MYO6: variants seen among roughly 807,000 people sequenced by gnomAD.
The protein encoded by MYO6 is unconventional myosin-VI.
Under a neutral mutation model 178.7 loss-of-function variants are expected in MYO6, and 74 were observed. The ratio of observed to expected loss-of-function variants is 0.41; its 90% CI spans 0.34 to 0.50. The LOEUF is 0.50. Among genes scored for constraint, MYO6 ranks in the 20% least tolerant of loss-of-function variants. The probability of loss-of-function intolerance (pLI) is 0.09; values close to 1 mark genes in which losing one functional copy is unlikely to be tolerated. For missense variants in MYO6, 1,330 were observed against 1,547.4 expected (o/e 0.86, Z 2.36); for synonymous variants, 477 against 504.6 (o/e 0.95, Z 0.73).
chr6:75,855,803 A>G (rs1255128755), intron 12 of MYO6, among the ~76,000 whole-genome samples: 1 of 152,116 alleles, frequency 6.6e-6, no homozygotes, highest in African/African-American at 2.4e-5. Context: ...TCCATGTCCT[A>G]TATTTTATAT....
rs35830759 is a variant in MYO6 at position 75,776,653 on chromosome 6, AGTGTGTGT to A, written c.-48+27253_-48+27260del. Among the ~76,000 whole-genome samples the A allele has an allele frequency of 5.5e-5, 8 of 144,760 alleles. No individual in the cohort carries two copies. In the South Asian group the frequency reaches 8.9e-4, roughly 16 times the overall value. The allele number at this position is 144,760 out of a possible 152,430, so 95.0% of individuals were successfully genotyped here. On this transcript the variant is annotated intron_variant, in intron 1 of 34. Coordinates refer to ENST00000369977, the MANE Select transcript of MYO6 (RefSeq NM_004999.4). ...CATTTTTAGTCTTGTAGAAACGTGC[AGTGTGTGT>A]GTGTGTGTGTGTGTGTGTGTGTATG... is the stretch of plus-strand genomic sequence containing the variant.
In MYO6 at chr6:75,914,153, G is replaced by T; in HGVS notation, c.3530G>T (p.Arg1177Leu). ...CGCTTCTTCCGCATCCCATTCATCC[G>T]CCCTGCCGACCAGTACAAAGACCCT... Reference protein sequence around the residue: ...QQRFFRIPFIRPADQYKDPQS... With the variant: ...QQRFFRIPFILPADQYKDPQS... The change falls in exon 34 of 35, where the codon CGC becomes CTC. Residue 1177 changes from arginine (R) to leucine (L), a missense_variant. Coordinates refer to ENST00000369977, the MANE Select transcript of MYO6 (RefSeq NM_004999.4). 5.6e-6 allele frequency: 9 copies of T among 1,614,064 alleles called. No homozygotes were observed. Among genetic ancestry groups the T allele is most frequent in the Admixed American group, 1.7e-5 (1 of 60,014 alleles).
chr6:75,835,866 T>G, intron 6 of MYO6, 35 bp from the exon 7 acceptor site: 1 of 1,228,322 alleles, frequency 8.1e-7, no homozygotes. Context: ...ACCATATTAT[T>G]GTCATCAACA....
intron 1 of MYO6, among the ~76,000 whole-genome samples, chr6:75,803,190 G>A (rs962105933): frequency 1.3e-5 from 2 of 152,010 alleles, no homozygotes; most frequent in Non-Finnish European, 2.9e-5. Context: ...AGATTGTATT[G>A]TATTTATAGT....
rs115711509 is a variant in MYO6 at position 75,828,644 on chromosome 6, G to A, written c.261+31G>A. The A allele has an allele frequency of 3.5e-3, 4,577 of 1,315,654 alleles. 133 individuals carry two copies. In the African/African-American group the frequency reaches 0.058, roughly 17 times the overall value. The allele number at this position is 1,315,654 out of a possible 1,614,324, so 81.5% of individuals were successfully genotyped here. On this transcript the variant is annotated intron_variant, in intron 4 of 34. Coordinates refer to ENST00000369977, the MANE Select transcript of MYO6 (RefSeq NM_004999.4). Reference sequence around the variant, plus strand: ...TATTTTACCTGTAGTGTAAGTTTTTGTGGAGATAATTATTTCATGTGGTAC... The same window carrying A: ...TATTTTACCTGTAGTGTAAGTTTTTATGGAGATAATTATTTCATGTGGTAC...
At chr6:75,787,720 CTCTCTCTCTCTATATA>C (rs1468194570) in intron 1 of MYO6, among the ~76,000 whole-genome samples, 179 of 34,436 alleles carry the variant, frequency 5.2e-3, no homozygotes, top group East Asian at 8.3e-3. Flanking sequence ...CTCTCTCTCT[CTCTCTCTCTCTATATA>C]TATATATATA....
At chr6:75,894,873 C>A in intron 28 of MYO6, 1 of 1,356,906 alleles carries the variant, frequency 7.4e-7, no homozygotes, top group Admixed American at 2.4e-5. Context: ...GTCATATGTT[C>A]TGAAATATAA....
intron 20 of MYO6, among the ~76,000 whole-genome samples, chr6:75,876,189 G>T (rs888767196): frequency 1.3e-5 from 2 of 152,068 alleles, no homozygotes; most frequent in African/African-American, 4.8e-5. Context: ...TGACATGGAG[G>T]GGAGCCTGAA....
chr6:75,840,814 A>G (rs1237798782), intron 8 of MYO6, 132 bp downstream of exon 8: 3 of 734,516 alleles, frequency 4.1e-6, no homozygotes, highest in South Asian at 1.6e-5. Context: ...GGTTGCAGGA[A>G]TATATGTGTC....
At chr6:75,791,302 T>G (rs996336475) in intron 1 of MYO6, among the ~76,000 whole-genome samples, 1 of 152,242 alleles carries the variant, frequency 6.6e-6, no homozygotes, top group Non-Finnish European at 1.5e-5. Context: ...TGTGAATTTC[T>G]AATTTTGATC....
At chr6:75,794,749 TAA>T (rs11295457) in intron 1 of MYO6, among the ~76,000 whole-genome samples, 12 of 139,186 alleles carry the variant, frequency 8.6e-5, no homozygotes, top group African/African-American at 1.9e-4. Flanking sequence ...ATAAAAAAAA[TAA>T]AAAAAAAAAT....
chr6:75,801,919 C>T lies in MYO6; in HGVS notation c.-47-15582C>T, dbSNP rs1397833835. ...TCACGCCATTGTACTCCAGCCTGGG[C>T]GACAGAGCAAGACTTCATCTCAAAA... On this transcript the variant is annotated intron_variant, in intron 1 of 34. Transcript: ENST00000369977. Among the ~76,000 whole-genome samples the T allele has an allele frequency of 2.7e-5, 4 of 149,744 alleles. No homozygotes were observed. In the East Asian group the frequency reaches 7.8e-4, roughly 29 times the overall value.
At chr6:75,827,414 G>T (rs904977883) in intron 3 of MYO6, among the ~76,000 whole-genome samples, 6 of 152,186 alleles carry the variant, frequency 3.9e-5, no homozygotes, top group Non-Finnish European at 8.8e-5. Flanking sequence ...AAGGTGAATT[G>T]TGGAAAATTA....
At chr6:75,803,558 T>TC (rs1446711848) in intron 1 of MYO6, among the ~76,000 whole-genome samples, 1 of 152,134 alleles carries the variant, frequency 6.6e-6, no homozygotes, top group African/African-American at 2.4e-5. Context: ...GTCATCAGTA[T>TC]CTCAGCCTAA....
intron 23 of MYO6, among the ~76,000 whole-genome samples, chr6:75,882,832 C>T (rs528643506): frequency 6.1e-4 from 93 of 152,074 alleles, no homozygotes; most frequent in African/African-American, 2.1e-3. Flanking sequence ...AAGAATAGGG[C>T]GAAAGGTGAA....
intron 2 of MYO6, among the ~76,000 whole-genome samples, chr6:75,818,493 A>G (rs1043866890): frequency 6.6e-6 from 1 of 152,202 alleles, no homozygotes. Flanking sequence ...AGATGTCCAC[A>G]ATTTTTAGTT....
Position 75,841,377 on chromosome 6 carries a change from G to A in MYO6, c.815G>A (p.Arg272Gln), listed in dbSNP as rs768443240. The A allele has an allele frequency of 2.0e-5, 32 of 1,613,082 alleles. No individual in the cohort carries two copies. The highest frequency in any genetic ancestry group is 1.7e-4 in the Middle Eastern group (1 of 5,788). The change falls in exon 9 of 35, where the codon CGG (arginine) becomes CAG (glutamine). Residue 272 changes from arginine to glutamine, a missense_variant and splice_region_variant. Arg to Gln is a conservative substitution (Grantham distance 43). This residue lies in a region of MYO6 where 613 missense variants were observed against 816.8 expected (regional missense o/e 0.75). Transcript: ENST00000369977. ...CATTTGAGTTCACCAGATAATTTTC[G>A]GGTAGGTCAGAAGAAAAGAAATTTC... ...KLHLSSPDNF[R>Q]YLNRGCTRYF...
chr6:75,848,579 GTTAT>G (rs769408185), intron 11 of MYO6, 48 bp downstream of exon 11: 12 of 1,571,630 alleles, frequency 7.6e-6, no homozygotes, highest in Admixed American at 7.0e-5. Flanking sequence ...TAGAATTTCT[GTTAT>G]TTATTTGTCA....
chr6:75,792,848 A>G (rs1333834644), intron 1 of MYO6, among the ~76,000 whole-genome samples: 1 of 152,100 alleles, frequency 6.6e-6, no homozygotes, highest in East Asian at 1.9e-4. Flanking sequence ...TGGTGGTGTG[A>G]TCATAGCTCA....
Sources: allele counts gnomAD v4.1 joint callset (sites outside exome capture counted in the v4.1 genomes callset), GRCh38; gene constraint gnomAD v4.1.1; regional missense constraint gnomAD v4.1.1; transcripts MANE v1.5; gene names NCBI Gene and HGNC (gene_info 2026-07-23, HGNC 2026-07-21).